Variants in AGBL4 observed in about 807,000 individuals in gnomAD.
AGBL4 encodes cytosolic carboxypeptidase 6.
In AGBL4, 58 loss-of-function variants were observed where a neutral mutation model predicts 66.4. The observed-to-expected ratio is 0.87, with a 90% CI of 0.71 to 1.09. AGBL4 has a LOEUF of 1.09. AGBL4 is among the 50% of genes least tolerant of loss of function. The probability of loss-of-function intolerance (pLI) is 0.00; values close to 1 mark genes in which losing one functional copy is unlikely to be tolerated. For missense variants in AGBL4, 579 were observed against 631.0 expected, an observed-to-expected ratio of 0.92 and a Z score of 0.88; for synonymous variants, 234 against 222.9, an observed-to-expected ratio of 1.05 and a Z score of -0.44.
At chr1:49,134,571 C>A (rs950666627) in intron 4 of AGBL4, among the ~76,000 whole-genome samples, 1 of 144,796 alleles carries the variant, frequency 6.9e-6, no homozygotes, top group African/African-American at 2.6e-5. Context: ...ATTTCTCTTA[C>A]CTGTTTTTGG....
At chr1:48,594,694 T>C (rs981749567) in intron 9 of AGBL4, among the ~76,000 whole-genome samples, 3 of 152,222 alleles carry the variant, frequency 2.0e-5, no homozygotes, top group Non-Finnish European at 4.4e-5. Context: ...TCAATTTATA[T>C]GGTCATGGAA....
intron 4 of AGBL4, among the ~76,000 whole-genome samples, chr1:49,171,342 T>G (rs1002675025): frequency 2.6e-5 from 4 of 152,222 alleles, no homozygotes; most frequent in Non-Finnish European, 5.9e-5. Flanking sequence ...TTTCCATGTG[T>G]GTGGGTTACA....
chr1:49,951,275 T>C (rs985234717), intron 1 of AGBL4, among the ~76,000 whole-genome samples: 9 of 151,880 alleles, frequency 5.9e-5, no homozygotes, highest in Admixed American at 1.3e-4. Flanking sequence ...CTGTGAAATT[T>C]GTCAGAATCA....
intron 6 of AGBL4, among the ~76,000 whole-genome samples, chr1:48,749,339 C>T (rs1258048673): frequency 2.6e-5 from 4 of 152,118 alleles, no homozygotes; most frequent in African/African-American, 9.7e-5. Flanking sequence ...CTGCTATATC[C>T]CCAGCACCCA....
intron 3 of AGBL4, among the ~76,000 whole-genome samples, chr1:49,642,730 A>G (rs1251842411): frequency 6.6e-6 from 1 of 152,036 alleles, no homozygotes; most frequent in Admixed American, 6.6e-5. Flanking sequence ...AAGTACTCAG[A>G]ACAGTTTTGC....
rs532021834 is a variant in AGBL4, at chr1:49,758,050, G to C, written c.158-60613C>G. On this transcript the variant is annotated intron_variant, in intron 2 of 13. Coordinates refer to ENST00000371839, the MANE Select transcript of AGBL4 (RefSeq NM_032785.4). ...CCAGCTCTGTACAGCCTCAGGACAT[G>C]GTGCCCTGCATCCCAGCTGCTTCAG... Among the ~76,000 whole-genome samples the C allele has an allele frequency of 2.0e-5, 3 of 152,252 alleles. No homozygotes were observed. In the South Asian group the frequency reaches 6.2e-4, roughly 32 times the overall value.
intron 2 of AGBL4, among the ~76,000 whole-genome samples, chr1:49,754,279 AT>A (rs1208920310): frequency 1.5e-5 from 2 of 135,874 alleles, no homozygotes; most frequent in East Asian, 4.5e-4. Flanking sequence ...TTTTTTTTTT[AT>A]TTTTTTATTT....
intron 3 of AGBL4, among the ~76,000 whole-genome samples, chr1:49,502,954 G>T (rs559495104): frequency 6.6e-6 from 1 of 152,118 alleles, no homozygotes; most frequent in Non-Finnish European, 1.5e-5. Flanking sequence ...ATTTGCATGA[G>T]TAATGATGAG....
At chr1:48,734,861 GA>G (rs1411583865) in intron 6 of AGBL4, among the ~76,000 whole-genome samples, 1 of 152,216 alleles carries the variant, frequency 6.6e-6, no homozygotes, top group African/African-American at 2.4e-5. Context: ...AGAGTCTGCT[GA>G]AAACATATGT....
chr1:49,797,580 T>A (rs1644760802), intron 2 of AGBL4, among the ~76,000 whole-genome samples: 1 of 152,006 alleles, frequency 6.6e-6, no homozygotes, highest in South Asian at 2.1e-4. Context: ...GGGCTACAGG[T>A]ATGCCACTGT....
intron 1 of AGBL4, among the ~76,000 whole-genome samples, chr1:49,903,380 T>C (rs2148194074): frequency 6.6e-6 from 1 of 152,076 alleles, no homozygotes; most frequent in Non-Finnish European, 1.5e-5. Context: ...AGGGAGAGGA[T>C]CAGAAAAAAT....
chr1:48,969,228 A>G (rs1658708303), intron 5 of AGBL4, among the ~76,000 whole-genome samples: 1 of 152,078 alleles, frequency 6.6e-6, no homozygotes, highest in South Asian at 2.1e-4. Context: ...ATACCATAAT[A>G]CACGGCGGAC....
intron 3 of AGBL4, among the ~76,000 whole-genome samples, chr1:49,303,129 T>C (rs910472565): frequency 2.0e-5 from 3 of 152,214 alleles, no homozygotes; most frequent in Non-Finnish European, 4.4e-5. Context: ...CACTTGTGCA[T>C]GTATCTTTGT....
intron 6 of AGBL4, among the ~76,000 whole-genome samples, chr1:48,786,991 A>G (rs1645424998): frequency 6.6e-6 from 1 of 152,122 alleles, no homozygotes; most frequent in Non-Finnish European, 1.5e-5. Context: ...CTTTATGTAC[A>G]TTTTTCATTT....
At position 48,744,663 on chromosome 1, in the gene AGBL4, C is replaced by G. The variant is rs539084026; in HGVS notation, c.635-81422G>C. Among the ~76,000 whole-genome samples, 3 of 152,274 alleles carry G rather than the reference C, an allele frequency of 2.0e-5. No homozygotes were observed. The South Asian group carries it at 6.2e-4, about 32-fold the overall frequency. ...AGCCGTAACTTCAGTTGATTCTCTC[C>G]CATCCATCTCTATAAAGGCCATCAA... On this transcript the variant is annotated intron_variant, in intron 6 of 13. Coordinates refer to ENST00000371839, the MANE Select transcript of AGBL4 (RefSeq NM_032785.4).
chr1:49,976,179 A>G (rs961397647), intron 1 of AGBL4, among the ~76,000 whole-genome samples: 10 of 152,136 alleles, frequency 6.6e-5, no homozygotes, highest in African/African-American at 2.4e-4. Flanking sequence ...AGAATTTCTC[A>G]TTATTTGTCT....
chr1:50,002,660 C>T (rs547132582), intron 1 of AGBL4, among the ~76,000 whole-genome samples: 5 of 152,092 alleles, frequency 3.3e-5, no homozygotes, highest in African/African-American at 9.7e-5. Context: ...TGAGCCACCG[C>T]GCCCGGCCAG....
intron 3 of AGBL4, among the ~76,000 whole-genome samples, chr1:49,367,834 C>T (rs898537766): frequency 3.3e-5 from 5 of 152,274 alleles, no homozygotes; most frequent in African/African-American, 9.6e-5. Context: ...TTCACAATGT[C>T]GTGCAACCAT....
chr1:49,559,961 G>T (rs144902647), intron 3 of AGBL4, among the ~76,000 whole-genome samples: 1 of 151,876 alleles, frequency 6.6e-6, no homozygotes, highest in Non-Finnish European at 1.5e-5. Context: ...TACACATCAC[G>T]ACACCCAAGT....
Sources: allele counts gnomAD v4.1 joint callset (sites outside exome capture counted in the v4.1 genomes callset), GRCh38; gene constraint gnomAD v4.1.1; transcripts MANE v1.5; gene names NCBI Gene and HGNC (gene_info 2026-07-23, HGNC 2026-07-21).